The following CRABP1 variants were observed in gnomAD, a reference collection of about 807,000 sequenced individuals.
CRABP1 encodes the protein cellular retinoic acid binding protein 1.
Under a neutral mutation model 16.4 loss-of-function variants are expected in CRABP1, and 9 were observed. That is an observed-to-expected ratio of 0.55 (90% CI 0.33 to 0.96). CRABP1 has a LOEUF of 0.96. Ranked by LOEUF, CRABP1 falls within the 40% of genes least tolerant of loss-of-function variation. The probability of loss-of-function intolerance (pLI) is 0.03; values close to 1 mark genes in which losing one functional copy is unlikely to be tolerated. For missense variants in CRABP1, 157 were observed against 186.0 expected (o/e 0.84, Z 0.91); for synonymous variants, 72 against 70.4 (o/e 1.02, Z -0.11).
chr15:78,346,716 A>T (rs867113556), intron 3 of CRABP1, among the ~76,000 whole-genome samples: 7 of 152,308 alleles, frequency 4.6e-5, no homozygotes, highest in Non-Finnish European at 7.4e-5. Flanking sequence ...GTCACTAAGG[A>T]CTTGAACTAT....
At chr15:78,342,846 C>T (rs3784333) in intron 2 of CRABP1, among the ~76,000 whole-genome samples, 10,357 of 152,220 alleles carry the variant, frequency 0.068, 721 homozygotes, top group East Asian at 0.17. Context: ...TAACTGTTGT[C>T]AAATCTTGTG....
rs1024299108 is a variant in CRABP1 at position 78,344,940 on chromosome 15, C to A, written c.363+1328C>A. 1.9e-4 allele frequency among the ~76,000 whole-genome samples: 28 copies of A among 147,118 alleles called. 1 individual carries two copies. The highest frequency in any genetic ancestry group is 3.7e-4 in the African/African-American group (14 of 37,586). ...TCAAAATTAAAAACAAAAAAAAAAA[C>A]AAAAAAACTAATTAAGGGTTTTGCA... is the stretch of plus-strand genomic sequence containing the variant. On this transcript the variant is annotated intron_variant, in intron 3 of 3. Transcript: ENST00000299529.
At chr15:78,345,471 G>T (rs1795565932) in intron 3 of CRABP1, among the ~76,000 whole-genome samples, 1 of 152,202 alleles carries the variant, frequency 6.6e-6, no homozygotes, top group African/African-American at 2.4e-5. Context: ...AAATTTAGGA[G>T]AAAAGGCGTA....
chr15:78,343,276 AGT>A (rs141389093), intron 2 of CRABP1, among the ~76,000 whole-genome samples: 8 of 151,590 alleles, frequency 5.3e-5, no homozygotes, highest in South Asian at 2.1e-4. Context: ...TGTGCTTGTG[AGT>A]GTGTGTGTGT....
intron 3 of CRABP1, among the ~76,000 whole-genome samples, chr15:78,346,191 T>C (rs1313430558): frequency 6.6e-6 from 1 of 152,188 alleles, no homozygotes; most frequent in African/African-American, 2.4e-5. Flanking sequence ...CAAAGAATTA[T>C]GGAAAATTAA....
rs543855819 is a variant in CRABP1 at position 78,341,411 on chromosome 15, C to T, written c.249+190C>T. On this transcript the variant is annotated intron_variant, in intron 2 of 3. Transcript: ENST00000299529. The surrounding 1 kb of genome is among the most constrained non-coding windows in gnomAD (Gnocchi z 5.3). ...CTGGCTCAAGACAAAGTATTACCTT[C>T]ATTCCATCTCAACCCCATCCCTACG... is the stretch of plus-strand genomic sequence containing the variant. 3 of 657,744 alleles carry T rather than the reference C, an allele frequency of 4.6e-6. No homozygotes were observed. Among genetic ancestry groups the T allele is most frequent in the South Asian group, 1.8e-5 (1 of 56,000 alleles). The allele number at this position is 657,744 out of a possible 1,614,324, so 40.7% of individuals were successfully genotyped here.
intron 3 of CRABP1, among the ~76,000 whole-genome samples, chr15:78,345,896 T>C (rs2050262522): frequency 6.6e-6 from 1 of 152,198 alleles, no homozygotes; most frequent in African/African-American, 2.4e-5. Flanking sequence ...GCGCCAACAG[T>C]AAATTGCCCC....
intron 3 of CRABP1, 102 bp from the exon 4 acceptor site, chr15:78,347,821 CAAAG>C: frequency 1.9e-6 from 2 of 1,028,716 alleles, no homozygotes; most frequent in Non-Finnish European, 3.0e-6. Context: ...ATGTCTGTTA[CAAAG>C]AGTTTTTAAC....
At position 78,347,842 on chromosome 15, in the gene CRABP1, A is replaced by G. The variant is rs940232715; in HGVS notation, c.364-85A>G. The G allele has an allele frequency of 4.8e-6, 6 of 1,253,982 alleles. No individual in the cohort carries two copies. In the African/African-American group the frequency reaches 8.9e-5, roughly 19 times the overall value. The allele number at this position is 1,253,982 out of a possible 1,614,324, so 77.7% of individuals were successfully genotyped here. A position where few individuals can be genotyped will look rare whatever the true frequency, so the allele number is the denominator to read the frequency against. On this transcript the variant is annotated intron_variant, in intron 3 of 3. Transcript: ENST00000299529. ...GTTACAAAGAGTTTTTAACAGGGCA[A>G]TAAGTGGCCTTATTAGTGATATGCT...
At position 78,344,749 on chromosome 15, in the gene CRABP1, CAAAAA is replaced by C. The variant is rs34209403; in HGVS notation, c.363+1151_363+1155del. 5.2e-5 allele frequency among the ~76,000 whole-genome samples: 5 copies of C among 96,896 alleles called. No homozygotes were observed. The East Asian group carries it at 1.5e-3, about 29-fold the overall frequency. The allele number at this position is 96,896 out of a possible 152,430, so 63.6% of individuals were successfully genotyped here. A position where few individuals can be genotyped will look rare whatever the true frequency, so the allele number is the denominator to read the frequency against. The stretch of plus-strand genomic sequence containing the variant: ...CAACATAGTGAGACCCCTATCTCTA[CAAAAA>C]AAAAAAAAAAAAATTAGCTGAGTGT... On this transcript the variant is annotated intron_variant, in intron 3 of 3. Coordinates refer to ENST00000299529, the MANE Select transcript of CRABP1 (RefSeq NM_004378.3).
At chr15:78,340,616 C>A in intron 1 of CRABP1, 118 bp downstream of exon 1, 1 of 1,170,236 alleles carries the variant, frequency 8.5e-7, no homozygotes, top group Non-Finnish European at 1.2e-6. Flanking sequence ...AGGAGGGAGT[C>A]CCCGGGGCAA....
intron 3 of CRABP1, among the ~76,000 whole-genome samples, chr15:78,345,329 TC>T (rs993761515): frequency 3.3e-4 from 50 of 152,320 alleles, no homozygotes; most frequent in Admixed American, 2.5e-3. Flanking sequence ...CTCTTGTCCT[TC>T]CCTGGTATGA....
intron 2 of CRABP1, among the ~76,000 whole-genome samples, chr15:78,342,449 C>T (rs1322829655): frequency 6.6e-6 from 1 of 152,102 alleles, no homozygotes. Flanking sequence ...CCCCCCACAC[C>T]TTGCCTAATG....
chr15:78,343,427 A>C (rs2050246403), intron 2 of CRABP1, 72 bp from the exon 3 acceptor site: 1 of 1,171,628 alleles, frequency 8.5e-7, no homozygotes, highest in African/African-American at 1.5e-5. Context: ...ATTATTTTTC[A>C]ATGCTCATTG....
intron 3 of CRABP1, among the ~76,000 whole-genome samples, chr15:78,344,431 G>T (rs2050253784): frequency 6.7e-6 from 1 of 149,944 alleles, no homozygotes; most frequent in Admixed American, 6.7e-5. Flanking sequence ...CTGCACTCCA[G>T]CCTGGGCGAC....
rs371842619 is a variant in CRABP1, at chr15:78,343,621, C to G, written c.363+9C>G. On this transcript the variant is annotated intron_variant, in intron 3 of 3. Coordinates refer to ENST00000299529, the MANE Select transcript of CRABP1 (RefSeq NM_004378.3). The stretch of plus-strand genomic sequence containing the variant: ...ACGATGAACTTATCCTGGTAGGGAA[C>G]CCTTGACCCTGAAATAATCCTGAAG... 1.2e-5 allele frequency: 20 copies of G among 1,611,506 alleles called. No individual in the cohort carries two copies. The East Asian group carries it at 3.6e-4, about 29-fold the overall frequency.
rs116137538 is a variant in CRABP1 at position 78,347,683 on chromosome 15, A to C, written c.364-244A>C. ...GGCATTTCTTATGTCAGCATTTTAC[A>C]GGTTCCATAAGCAAAGGAAAATGGT... On this transcript the variant is annotated intron_variant, in intron 3 of 3. Coordinates refer to ENST00000299529, the MANE Select transcript of CRABP1 (RefSeq NM_004378.3). 873 of 412,344 alleles carry C rather than the reference A, an allele frequency of 2.1e-3. 6 individuals carry two copies. The highest frequency in any genetic ancestry group is 0.016 in the African/African-American group (756 of 48,058). 25.5% of individuals were successfully genotyped at this position (412,344 alleles called of 1,614,324 possible). A position where few individuals can be genotyped will look rare whatever the true frequency, so the allele number is the denominator to read the frequency against.
At chr15:78,346,099 G>A (rs1380405410) in intron 3 of CRABP1, among the ~76,000 whole-genome samples, 1 of 152,208 alleles carries the variant, frequency 6.6e-6, no homozygotes, top group Non-Finnish European at 1.5e-5. Context: ...AGAGCTGTCA[G>A]CTAGTGAGAA....
chr15:78,341,584 T>A lies in CRABP1; in HGVS notation c.249+363T>A, dbSNP rs2050235495. 1 of 312,166 alleles carries A rather than the reference T, an allele frequency of 3.2e-6. No individual in the cohort carries two copies. The highest frequency in any genetic ancestry group is 2.8e-5 in the South Asian group (1 of 35,602). The allele number at this position is 312,166 out of a possible 1,614,324, so 19.3% of individuals were successfully genotyped here. On this transcript the variant is annotated intron_variant, in intron 2 of 3. Transcript: ENST00000299529. The surrounding 1 kb of genome is among the most constrained non-coding windows in gnomAD (Gnocchi z 5.3). ...GTTGCAGGAGCCGCCAGGTTCTCTG[T>A]CGCAGGTGAAGCCGCAGCTCTTGCA...
Sources: gnomAD v4.1 joint callset for allele counts (sites outside exome capture counted in the v4.1 genomes callset) on GRCh38, gnomAD v4.1.1 for gene constraint, Gnocchi (gnomAD v3.1) non-coding constraint, MANE v1.5 for transcripts, NCBI Gene and HGNC (gene_info 2026-07-23, HGNC 2026-07-21) for gene names.